Variants in CHD9 observed in about 807,000 individuals in gnomAD.
CHD9 encodes the protein ATP-dependent chromatin remodeler CHD9.
CHD9 carries 77 observed loss-of-function variants against 316.1 expected under a neutral mutation model. The ratio of observed to expected loss-of-function variants is 0.24; its 90% CI spans 0.20 to 0.29. CHD9 has a LOEUF of 0.29. Among genes scored for constraint, CHD9 ranks in the 10% least tolerant of loss-of-function variants. The pLI, the probability that CHD9 is intolerant of heterozygous loss-of-function variation, is 1.00. For synonymous variants in CHD9, 1,129 were observed against 1,158.3 expected, an observed-to-expected ratio of 0.97 and a Z score of 0.51; for missense variants, 2,763 against 3,438.1, an observed-to-expected ratio of 0.80 and a Z score of 4.91.
chr16:53,245,397 T>C lies in CHD9; in HGVS notation c.3116T>C (p.Leu1039Pro). The change falls in exon 14 of 39, where the codon CTT becomes CCT. Residue 1039 changes from leucine (L) to proline (P), a missense_variant. Physicochemically the swap from Leu to Pro is moderately conservative, Grantham distance 98 (BLOSUM62 -3). Coordinates refer to ENST00000447540, the MANE Select transcript of CHD9 (RefSeq NM_001308319.2). This position sits in a 1 kb window ranked among gnomAD's most constrained non-coding sequence, Gnocchi z 4.1. Reference protein sequence around the residue: ...LQNTVEELFSLLHFLEPLRFP... With the variant: ...LQNTVEELFSPLHFLEPLRFP... ...AATACAGTTGAAGAACTATTTAGTCTTCTTCACTTTCTTGAACCCTTAAGG... is the reference window on the plus strand; with the variant it reads ...AATACAGTTGAAGAACTATTTAGTCCTCTTCACTTTCTTGAACCCTTAAGG... 6.3e-7 allele frequency: 1 copy of C among 1,597,680 alleles called. No individual in the cohort carries two copies. The highest frequency in any genetic ancestry group is 8.5e-7 in the Non-Finnish European group (1 of 1,172,324).
Position 53,292,443 on chromosome 16 carries a change from A to T in CHD9, c.5291-390A>T, listed in dbSNP as rs1032802315. 3.3e-5 allele frequency among the ~76,000 whole-genome samples: 5 copies of T among 152,208 alleles called. No individual in the cohort carries two copies. In the South Asian group the frequency reaches 1.0e-3, roughly 31 times the overall value. The stretch of plus-strand genomic sequence containing the variant: ...CTTCCCAGTGACTTAAAATATTTTG[A>T]TTCTAATTAAACTGAGATAAACTTA... On this transcript the variant is annotated intron_variant, in intron 28 of 38. Coordinates refer to ENST00000447540, the MANE Select transcript of CHD9 (RefSeq NM_001308319.2).
chr16:53,205,763 A>C (rs994461684), intron 2 of CHD9, among the ~76,000 whole-genome samples: 2 of 152,140 alleles, frequency 1.3e-5, no homozygotes, highest in African/African-American at 4.8e-5. Context: ...GTGTCAGTGA[A>C]TTATAAGGGT....
At chr16:53,286,951 A>C (rs2053929944) in intron 26 of CHD9, among the ~76,000 whole-genome samples, 1 of 152,052 alleles carries the variant, frequency 6.6e-6, no homozygotes, top group Admixed American at 6.6e-5. Context: ...TTCAGTACAG[A>C]TGCCATTTTT....
At chr16:53,141,327 A>C (rs1434111293) in intron 1 of CHD9, among the ~76,000 whole-genome samples, 1 of 152,214 alleles carries the variant, frequency 6.6e-6, no homozygotes, top group Non-Finnish European at 1.5e-5. Flanking sequence ...CAGAGCCTGT[A>C]AAACTGTGCT....
intron 36 of CHD9, 106 bp from the exon 37 acceptor site, chr16:53,318,106 C>T: frequency 1.2e-6 from 1 of 847,150 alleles, no homozygotes; most frequent in Non-Finnish European, 1.7e-6. Context: ...TGTAAATAAC[C>T]AAAAGGTAAA....
chr16:53,173,965 A>G (rs1036464652), intron 2 of CHD9, among the ~76,000 whole-genome samples: 1 of 152,160 alleles, frequency 6.6e-6, no homozygotes, highest in African/African-American at 2.4e-5. Context: ...TGCATCTCAC[A>G]GATTTGTATT....
intron 38 of CHD9, 76 bp downstream of exon 38, chr16:53,321,706 T>C: frequency 1.3e-6 from 1 of 784,094 alleles, no homozygotes; most frequent in Non-Finnish European, 1.9e-6. Context: ...AGATTAATTA[T>C]AATTAATAAA....
chr16:53,263,966 G>A (rs1328525286), intron 20 of CHD9, among the ~76,000 whole-genome samples: 1 of 151,812 alleles, frequency 6.6e-6, no homozygotes, highest in African/African-American at 2.4e-5. Context: ...ATATGCCATT[G>A]AGCCTTCCTA....
intron 2 of CHD9, among the ~76,000 whole-genome samples, chr16:53,189,045 A>T (rs576846959): frequency 6.6e-6 from 1 of 152,066 alleles, no homozygotes; most frequent in South Asian, 2.1e-4. Context: ...CAGATATTTG[A>T]TTTGCAGATT....
intron 30 of CHD9, among the ~76,000 whole-genome samples, chr16:53,300,488 C>T (rs2055277291): frequency 6.6e-6 from 1 of 152,074 alleles, no homozygotes; most frequent in African/African-American, 2.4e-5. Flanking sequence ...AACTGTATCA[C>T]CCTAAATAAG....
intron 1 of CHD9, among the ~76,000 whole-genome samples, chr16:53,056,799 C>G (rs541555689): frequency 1.4e-4 from 21 of 152,276 alleles, no homozygotes; most frequent in African/African-American, 4.3e-4. Flanking sequence ...ATGAGTAAGA[C>G]AGAATTCAGC....
chr16:53,221,440 T>C (rs932915938), intron 3 of CHD9, among the ~76,000 whole-genome samples: 5 of 152,190 alleles, frequency 3.3e-5, no homozygotes, highest in African/African-American at 1.2e-4. Context: ...AAATCATACC[T>C]GAAAGTATTG....
chr16:53,091,399 G>C (rs1030419046), intron 1 of CHD9, among the ~76,000 whole-genome samples: 1 of 152,192 alleles, frequency 6.6e-6, no homozygotes, highest in African/African-American at 2.4e-5. Flanking sequence ...AGGATTCAGG[G>C]AGATACTAAC....
chr16:53,156,878 T>A lies in CHD9; in HGVS notation c.789T>A (p.Ser263=). 6.2e-7 allele frequency: 1 copy of A among 1,613,670 alleles called. No homozygotes were observed. The highest frequency in any genetic ancestry group is 8.5e-7 in the Non-Finnish European group (1 of 1,179,636). The change falls in exon 2 of 39, where the codon TCT becomes TCA. Residue 263 remains serine, a synonymous_variant. Transcript: ENST00000447540. ...CTTCCCCAAATATGACTTCTTGTTCTGTCAGTAATTCACAGCAATTTTCTT... is the reference window on the plus strand; with the variant it reads ...CTTCCCCAAATATGACTTCTTGTTCAGTCAGTAATTCACAGCAATTTTCTT... ...NGPSPNMTSC[S]VSNSQQFSSH... is the part of the protein sequence containing the mutation.
chr16:53,148,195 A>T (rs562550622), intron 1 of CHD9, among the ~76,000 whole-genome samples: 1 of 152,286 alleles, frequency 6.6e-6, no homozygotes, highest in African/African-American at 2.4e-5. Flanking sequence ...TGTCAGAGTG[A>T]GACTCTGCCT....
At chr16:53,206,901 A>G (rs575266184) in intron 2 of CHD9, among the ~76,000 whole-genome samples, 1 of 152,322 alleles carries the variant, frequency 6.6e-6, no homozygotes, top group South Asian at 2.1e-4. Context: ...AATCCCTGGC[A>G]CTTAGTAAGT....
At chr16:53,241,717 A>T (rs1460440736) in intron 12 of CHD9, among the ~76,000 whole-genome samples, 1 of 152,226 alleles carries the variant, frequency 6.6e-6, no homozygotes, top group Non-Finnish European at 1.5e-5. Flanking sequence ...TTCAAAATGT[A>T]TCTAGAACTG....
chr16:53,312,051 C>T (rs1362643318), intron 34 of CHD9: 1 of 152,092 alleles, frequency 6.6e-6, no homozygotes, highest in African/African-American at 2.4e-5. Context: ...AAATCAGCCT[C>T]AGAAATAAGT....
intron 1 of CHD9, among the ~76,000 whole-genome samples, chr16:53,130,455 C>G (rs991085409): frequency 1.3e-5 from 2 of 151,014 alleles, no homozygotes; most frequent in African/African-American, 4.8e-5. Context: ...CGTGCCCTGC[C>G]GGGGCCTGAC....
Sources: allele counts gnomAD v4.1 joint callset (sites outside exome capture counted in the v4.1 genomes callset), GRCh38; gene constraint gnomAD v4.1.1; non-coding constraint Gnocchi (gnomAD v3.1); transcripts MANE v1.5; gene names NCBI Gene and HGNC (gene_info 2026-07-23, HGNC 2026-07-21).